The following SORBS2 variants were observed in gnomAD, a reference collection of about 807,000 sequenced individuals.
SORBS2 encodes sorbin and SH3 domain-containing protein 2.
Under a neutral mutation model 97.7 loss-of-function variants are expected in SORBS2, and 46 were observed. The ratio of observed to expected loss-of-function variants is 0.47; its 90% CI spans 0.37 to 0.60. SORBS2 has a LOEUF of 0.60. SORBS2 is among the 20% of genes least tolerant of loss of function. The pLI is 0.00. For synonymous variants in SORBS2, 476 were observed against 473.4 expected (o/e 1.01, Z -0.07); for missense variants, 1,316 against 1,282.3 (o/e 1.03, Z -0.40).
At chr4:185,720,271 C>T (rs141977673) in intron 2 of SORBS2, among the ~76,000 whole-genome samples, 19 of 152,316 alleles carry the variant, frequency 1.2e-4, no homozygotes, top group East Asian at 1.2e-3. Flanking sequence ...ATCTCTGTAA[C>T]GGCAGCTGAG....
rs2153531050 is a variant in SORBS2, at chr4:185,700,267, G to A, written c.-197-21445C>T. 2.0e-5 allele frequency among the ~76,000 whole-genome samples: 3 copies of A among 151,704 alleles called. 1 individual carries two copies. The South Asian group carries it at 6.3e-4, about 32-fold the overall frequency. The stretch of plus-strand genomic sequence containing the variant: ...AATCAAGGAAGATTGGGCTCCAGCT[G>A]CCTCACTTTTAAAGTGTCCACATGA... On this transcript the variant is annotated intron_variant, in intron 2 of 20. Transcript: ENST00000284776.
rs182063611 is a variant in SORBS2, at chr4:185,678,909, A to G, written c.-197-87T>C. On this transcript the variant is annotated intron_variant, in intron 2 of 20. Coordinates refer to the SORBS2 transcript ENST00000284776. ...AATAACATGGCAAAGAACTATATGC[A>G]TTGTTTTTGCAAACATTATTTCAGT... 3,199 of 705,090 alleles carry G rather than the reference A, an allele frequency of 4.5e-3. 21 individuals are homozygous for G. The highest frequency in any genetic ancestry group is 6.1e-3 in the Non-Finnish European group (2,757 of 454,740). 43.7% of individuals were successfully genotyped at this position (705,090 alleles called of 1,614,324 possible).
At chr4:185,699,193 G>A (rs914187181) in intron 2 of SORBS2, among the ~76,000 whole-genome samples, 4 of 151,890 alleles carry the variant, frequency 2.6e-5, no homozygotes, top group African/African-American at 9.7e-5. Context: ...TTTAAATTTT[G>A]GGGCAGGGGA....
At chr4:185,862,874 C>T (rs1040878365) in intron 1 of SORBS2, among the ~76,000 whole-genome samples, 2 of 152,118 alleles carry the variant, frequency 1.3e-5, no homozygotes, top group Non-Finnish European at 2.9e-5. Flanking sequence ...TAAGCCTGAA[C>T]ATAATTACAG....
chr4:185,701,917 C>A (rs28369184), intron 2 of SORBS2, among the ~76,000 whole-genome samples: 1 of 151,776 alleles, frequency 6.6e-6, no homozygotes, highest in African/African-American at 2.4e-5. Context: ...ACTACAGGCA[C>A]GTGCCAGCAC....
chr4:185,843,997 G>A (rs1352109655), intron 1 of SORBS2, among the ~76,000 whole-genome samples: 1 of 152,198 alleles, frequency 6.6e-6, no homozygotes, highest in Non-Finnish European at 1.5e-5. Context: ...GTTGAAGACT[G>A]TACACTCTAT....
chr4:185,794,859 A>G (rs1270160271), intron 1 of SORBS2, among the ~76,000 whole-genome samples: 1 of 152,134 alleles, frequency 6.6e-6, no homozygotes, highest in African/African-American at 2.4e-5. Flanking sequence ...AGGATATAAC[A>G]GGACTGGTGC....
chr4:185,689,677 G>A (rs560155819), intron 2 of SORBS2, among the ~76,000 whole-genome samples: 1 of 152,276 alleles, frequency 6.6e-6, no homozygotes, highest in African/African-American at 2.4e-5. Context: ...ATTAGGTATT[G>A]GTCCTCGCCA....
At chr4:185,702,916 T>C (rs2098285467) in intron 2 of SORBS2, among the ~76,000 whole-genome samples, 3 of 152,314 alleles carry the variant, frequency 2.0e-5, no homozygotes, top group South Asian at 4.1e-4. Flanking sequence ...TGATTGTACA[T>C]ATCAAGCAGA....
At chr4:185,652,591 C>A (rs1033889056) in intron 2 of SORBS2, 71 bp downstream of exon 10, 1 of 1,194,760 alleles carries the variant, frequency 8.4e-7, no homozygotes, top group East Asian at 2.3e-5. Context: ...GTGAATCAAA[C>A]CGATGCAAAA....
intron 4 of SORBS2, chr4:185,677,021 G>A: frequency 6.4e-7 from 1 of 1,550,666 alleles, no homozygotes; most frequent in South Asian, 1.2e-5. Flanking sequence ...AGGACTGAGA[G>A]GCCGCTGCAA....
Position 185,768,720 on chromosome 4 carries a change from CA to C in SORBS2, c.-198+6506del, listed in dbSNP as rs796182865. Among the ~76,000 whole-genome samples the C allele has an allele frequency of 2.2e-4, 21 of 93,662 alleles. 1 individual carries two copies. The highest frequency in any genetic ancestry group is 1.7e-3 in the East Asian group (8 of 4,600). 61.4% of individuals were successfully genotyped at this position (93,662 alleles called of 152,430 possible). A position where few individuals can be genotyped will look rare whatever the true frequency, so the allele number is the denominator to read the frequency against. ...TCTCAAAAAAAAAAAAACAAAAAAA[CA>C]AAAAAAAATGCAAATTTGATCATAT... On this transcript the variant is annotated intron_variant, in intron 2 of 20. Coordinates refer to the SORBS2 transcript ENST00000284776.
intron 2 of SORBS2, among the ~76,000 whole-genome samples, chr4:185,758,820 C>T (rs1460428929): frequency 6.6e-6 from 1 of 152,222 alleles, no homozygotes; most frequent in Non-Finnish European, 1.5e-5. Context: ...CCTTCTGCCC[C>T]CAGATGGGTA....
intron 1 of SORBS2, among the ~76,000 whole-genome samples, chr4:185,931,812 G>GACACAC (rs56398253): frequency 3.3e-5 from 5 of 150,738 alleles, no homozygotes; most frequent in Admixed American, 2.6e-4. Context: ...GAGACAGACA[G>GACACAC]ACACACACAC....
At chr4:185,740,854 T>C (rs1212713180) in intron 2 of SORBS2, among the ~76,000 whole-genome samples, 274 of 104,244 alleles carry the variant, frequency 2.6e-3, no homozygotes, top group Middle Eastern at 6.8e-3. Context: ...CCAACTCAGA[T>C]CAGCACCAAC....
intron 2 of SORBS2, among the ~76,000 whole-genome samples, chr4:185,701,556 C>G (rs2098262799): frequency 6.6e-6 from 1 of 152,140 alleles, no homozygotes; most frequent in Non-Finnish European, 1.5e-5. Context: ...AATCCAGAAC[C>G]CACGCTGGGA....
intron 4 of SORBS2, chr4:185,677,025 G>T (rs759670875): frequency 2.7e-5 from 42 of 1,550,656 alleles, no homozygotes; most frequent in Admixed American, 2.0e-4. Context: ...CTGAGAGGCC[G>T]CTGCAACTGC....
intron 4 of SORBS2, among the ~76,000 whole-genome samples, 186 bp from the exon 14 acceptor site, chr4:185,639,221 C>T (rs534519379): frequency 1.2e-4 from 19 of 152,198 alleles, no homozygotes; most frequent in Non-Finnish European, 2.2e-4. Flanking sequence ...CCCTGCCCAC[C>T]AGGAGTGGAT....
At chr4:185,754,705 G>A (rs1474558080) in intron 2 of SORBS2, among the ~76,000 whole-genome samples, 2 of 152,128 alleles carry the variant, frequency 1.3e-5, no homozygotes, top group Non-Finnish European at 2.9e-5. Context: ...GTGGGGTGGG[G>A]GGCTGTGTTC....
Sources: allele counts gnomAD v4.1 joint callset (sites outside exome capture counted in the v4.1 genomes callset), GRCh38; gene constraint gnomAD v4.1.1; transcripts MANE v1.5; gene names NCBI Gene and HGNC (gene_info 2026-07-23, HGNC 2026-07-21).